KIAA1549L: variants seen among roughly 807,000 people sequenced by gnomAD.
KIAA1549L encodes the protein KIAA1549 like.
A neutral mutation model predicts 160.7 loss-of-function variants in KIAA1549L; 88 were observed. The ratio of observed to expected loss-of-function variants is 0.55; its 90% confidence interval spans 0.46 to 0.65. KIAA1549L has a LOEUF of 0.65. Among genes scored for constraint, KIAA1549L ranks in the 30% least tolerant of loss-of-function variants. KIAA1549L has a pLI of 0.00. For synonymous variants in KIAA1549L, 950 were observed against 976.7 expected (o/e 0.97, Z 0.51); for missense variants, 2,258 against 2,437.5 (o/e 0.93, Z 1.55).
chr11:33,663,034 A>AT (rs1852318720), intron 20 of KIAA1549L, among the ~76,000 whole-genome samples: 2 of 152,208 alleles, frequency 1.3e-5, no homozygotes, highest in South Asian at 4.1e-4. Flanking sequence ...AGGCGTGCCC[A>AT]TGAAAGGAGC....
At chr11:33,464,472 G>A in intron 1 of KIAA1549L, among the ~76,000 whole-genome samples, 1 of 139,632 alleles carries the variant, frequency 7.2e-6, no homozygotes, top group Admixed American at 7.3e-5. Flanking sequence ...AGCTGTGTGT[G>A]CATGTGTGTG....
chr11:33,390,509 A>T (rs936250724), intron 1 of KIAA1549L, among the ~76,000 whole-genome samples: 1 of 152,210 alleles, frequency 6.6e-6, no homozygotes, highest in Non-Finnish European at 1.5e-5. Flanking sequence ...CCAGTTCCAC[A>T]TTCCCATGAG....
At chr11:33,617,173 AAGAT>A (rs1850834318) in intron 15 of KIAA1549L, among the ~76,000 whole-genome samples, 1 of 151,158 alleles carries the variant, frequency 6.6e-6, no homozygotes, top group South Asian at 2.1e-4. Context: ...GAGTTTTCTG[AAGAT>A]AGATAGTCTT....
In KIAA1549L at chr11:33,568,196, G is replaced by A. The variant is rs376568090; in HGVS notation, c.4199G>A (p.Arg1400Gln). 25 of 1,613,464 alleles carry A rather than the reference G, an allele frequency of 1.5e-5. No homozygotes were observed. Among genetic ancestry groups the A allele is most frequent in the African/African-American group, 5.3e-5 (4 of 74,862 alleles). ...MSQQQGRRFK[R>Q]ATTLGSYTVQ... ...CAGCAACAAGGCCGGCGGTTTAAAC[G>A]GGCCACCACCCTGGGAAGCTACACT... The change falls in exon 9 of 21, where the codon CGG (arginine) becomes CAG (glutamine). Residue 1400 changes from arginine (R) to glutamine (Q), a missense_variant. By Grantham distance (43) the Arg-to-Gln change is conservative (BLOSUM62 1). Transcript: ENST00000658780.
In KIAA1549L at chr11:33,532,769, A is replaced by T. The variant is rs144497364; in HGVS notation, c.239-9033A>T. Among the ~76,000 whole-genome samples the T allele has an allele frequency of 5.3e-5, 8 of 152,326 alleles. 1 individual carries two copies. Among genetic ancestry groups the T allele is most frequent in the South Asian group, 2.1e-4 (1 of 4,820 alleles). On this transcript the variant is annotated intron_variant, in intron 1 of 20. Coordinates refer to ENST00000658780, the MANE Select transcript of KIAA1549L (RefSeq NM_012194.3). ...TAGTGATCTAGTTTGCTTTTCTTTAAGTGCTGCCGTTAAGGAAACCTGCCA... is the reference window on the plus strand; with the variant it reads ...TAGTGATCTAGTTTGCTTTTCTTTATGTGCTGCCGTTAAGGAAACCTGCCA...
Position 33,641,572 on chromosome 11 carries a change from GTATATATATATATATATATATATATATA to G in KIAA1549L, c.5410-4079_5410-4052del, listed in dbSNP as rs10523183. Among the ~76,000 whole-genome samples the G allele has an allele frequency of 5.0e-3, 479 of 96,744 alleles. 5 individuals carry two copies. The highest frequency in any genetic ancestry group is 9.7e-3 in the African/African-American group (327 of 33,642). 63.5% of individuals were successfully genotyped at this position (96,744 alleles called of 152,430 possible). On this transcript the variant is annotated intron_variant, in intron 16 of 20. Coordinates refer to ENST00000658780, the MANE Select transcript of KIAA1549L (RefSeq NM_012194.3). ...ACAACTATAGTATGGTAATGGATCT[GTATATATATATATATATATATATATATA>G]TATATATATATATATATATATATAT... is the stretch of plus-strand genomic sequence containing the variant.
intron 1 of KIAA1549L, among the ~76,000 whole-genome samples, chr11:33,496,979 A>G (rs1249903621): frequency 6.6e-6 from 1 of 152,036 alleles, no homozygotes; most frequent in Non-Finnish European, 1.5e-5. Flanking sequence ...AACCCTTGCA[A>G]CTGGTATTCT....
At chr11:33,409,766 CTT>C (rs34301559) in intron 1 of KIAA1549L, among the ~76,000 whole-genome samples, 79,866 of 131,796 alleles carry the variant, frequency 0.61, 24,179 homozygotes, top group Non-Finnish European at 0.67. Flanking sequence ...GTTCTCACCT[CTT>C]TTTTTTTTTT....
At position 33,552,208 on chromosome 11, in the gene KIAA1549L, A is replaced by G; in HGVS notation, c.3822A>G (p.Lys1274=). Residue 1274 remains lysine (K), a synonymous_variant, in exon 6 of 21, where the codon AAA becomes AAG. Transcript: ENST00000658780. ...AGGCATTCCAGGATGCCGAGAGGAA[A>G]GTCCTGAATACCAAAAGCAACTTGA... ...LQKAFQDAER[K]VLNTKSNLTI... is the part of the protein sequence containing the mutation. The G allele has an allele frequency of 6.2e-7, 1 of 1,606,800 alleles. No homozygotes were observed. Among genetic ancestry groups the G allele is most frequent in the Non-Finnish European group, 8.5e-7 (1 of 1,176,418 alleles).
intron 13 of KIAA1549L, among the ~76,000 whole-genome samples, chr11:33,604,239 T>G (rs1398882878): frequency 1.3e-5 from 2 of 152,232 alleles, no homozygotes; most frequent in African/African-American, 4.8e-5. Flanking sequence ...GCTCAGGGTC[T>G]CATGAGGTCA....
Position 33,618,664 on chromosome 11 carries a change from T to G in KIAA1549L, c.5409+2T>G. On this transcript the variant is annotated splice_donor_variant, in intron 16 of 20. Transcript: ENST00000658780. LOFTEE classifies it high-confidence loss of function. ...GGAATCCGCAACAGCGGATACGATGTGAGTCTCTGGTGGGCTGGGTAAATA... is the reference window on the plus strand; with the variant it reads ...GGAATCCGCAACAGCGGATACGATGGGAGTCTCTGGTGGGCTGGGTAAATA... The G allele has an allele frequency of 6.3e-7, 1 of 1,579,516 alleles. No homozygotes were observed. The highest frequency in any genetic ancestry group is 8.6e-7 in the Non-Finnish European group (1 of 1,160,266).
Position 33,473,973 on chromosome 11 carries a change from G to A in KIAA1549L, c.239-67829G>A, listed in dbSNP as rs562372314. On this transcript the variant is annotated intron_variant, in intron 1 of 20. Transcript: ENST00000658780. ...GGCTCCAGCATCTGCTTCTGGTGAG[G>A]GCCTCAAGAAGCCTTCTATCATGGA... Among the ~76,000 whole-genome samples the A allele has an allele frequency of 2.0e-5, 3 of 152,246 alleles. No homozygotes were observed. In the East Asian group the frequency reaches 5.8e-4, roughly 29 times the overall value.
At chr11:33,485,633 T>C (rs1852508036) in intron 1 of KIAA1549L, among the ~76,000 whole-genome samples, 2 of 152,236 alleles carry the variant, frequency 1.3e-5, no homozygotes, top group Non-Finnish European at 2.9e-5. Context: ...TTTTTATCAT[T>C]TTTTTTGGTG....
intron 1 of KIAA1549L, among the ~76,000 whole-genome samples, chr11:33,506,494 G>A (rs1057163126): frequency 1.3e-5 from 2 of 152,166 alleles, no homozygotes; most frequent in Non-Finnish European, 2.9e-5. Context: ...GGGAGGTTGA[G>A]GCAGGAGGAT....
intron 1 of KIAA1549L, among the ~76,000 whole-genome samples, chr11:33,520,465 C>T (rs577246004): frequency 6.6e-6 from 1 of 151,942 alleles, no homozygotes; most frequent in African/African-American, 2.4e-5. Context: ...GATTTTCAGA[C>T]TTGGAGCTCT....
intron 1 of KIAA1549L, among the ~76,000 whole-genome samples, chr11:33,456,904 AAG>A (rs1285609206): frequency 6.6e-6 from 1 of 152,228 alleles, no homozygotes; most frequent in African/African-American, 2.4e-5. Flanking sequence ...GGCAACAGGG[AAG>A]AGAGATGCAC....
chr11:33,551,231 G>C lies in KIAA1549L; in HGVS notation c.3693G>C (p.Gln1231His), dbSNP rs530518732. The change falls in exon 5 of 21, where the codon CAG (glutamine) becomes CAC (histidine). Residue 1231 changes from glutamine (Q) to histidine (H), a missense_variant. Transcript: ENST00000658780. ...VAVLASPWNP[Q>H]PAGYFQLKTV... ...TACTTGCCTCCCCATGGAATCCCCA[G>C]CCTGCAGGCTACTTCCAGCTAAAAA... is the stretch of plus-strand genomic sequence containing the variant. The C allele has an allele frequency of 1.2e-6, 2 of 1,613,438 alleles. No homozygotes were observed. The highest frequency in any genetic ancestry group is 2.2e-5 in the South Asian group (2 of 91,038).
At chr11:33,563,060 G>A (rs1854922897) in intron 8 of KIAA1549L, among the ~76,000 whole-genome samples, 2 of 151,876 alleles carry the variant, frequency 1.3e-5, no homozygotes, top group Admixed American at 1.3e-4. Context: ...CTTCAAAATA[G>A]GAATCTGGGG....
At position 33,543,125 on chromosome 11, in the gene KIAA1549L, C is replaced by T; in HGVS notation, c.1562C>T (p.Pro521Leu). 6.2e-7 allele frequency: 1 copy of T among 1,613,874 alleles called. No homozygotes were observed. Among genetic ancestry groups the T allele is most frequent in the South Asian group, 1.1e-5 (1 of 91,088 alleles). The change falls in exon 2 of 21, where the codon CCA becomes CTA. Residue 521 changes from proline to leucine, a missense_variant. Transcript: ENST00000658780. Reference sequence around the variant, plus strand: ...AATCATGCCTCCCCATCTCCTGTGCCAGAAATGCCCACTCTTCCAGCAGAG... The same window carrying T: ...AATCATGCCTCCCCATCTCCTGTGCTAGAAATGCCCACTCTTCCAGCAGAG... ...TENHASPSPV[P>L]EMPTLPAEGS...
Sources: gnomAD v4.1 joint callset for allele counts (sites outside exome capture counted in the v4.1 genomes callset) on GRCh38, gnomAD v4.1.1 for gene constraint, MANE v1.5 for transcripts, NCBI Gene and HGNC (gene_info 2026-07-23, HGNC 2026-07-21) for gene names.